Variants in ATP10B observed in about 807,000 individuals in gnomAD.
ATP10B encodes phospholipid-transporting ATPase VB.
A neutral mutation model predicts 141.2 loss-of-function variants in ATP10B; 122 were observed. The ratio of observed to expected loss-of-function variants is 0.86; its 90% CI spans 0.75 to 1.00. The LOEUF (loss-of-function observed/expected upper bound fraction) is 1.00, where lower values mean the gene tolerates loss of function less well. Ranked by LOEUF, ATP10B falls within the 50% of genes least tolerant of loss-of-function variation. The probability of loss-of-function intolerance (pLI) is 0.00; values close to 1 mark genes in which losing one functional copy is unlikely to be tolerated. For synonymous variants in ATP10B, 685 were observed against 692.0 expected, an observed-to-expected ratio of 0.99 and a Z score of 0.16; for missense variants, 1,876 against 1,825.3, an observed-to-expected ratio of 1.03 and a Z score of -0.51.
At chr5:160,874,759 C>A in the ATP10B span, among the ~76,000 whole-genome samples, 1,050 of 151,258 alleles carry the variant, frequency 6.9e-3, 11 homozygotes, top group African/African-American at 0.019. Context: ...GGAGCCGATG[C>A]GATCAACTGG....
chr5:160,747,526 G>A (rs1395235250), intron 2 of ATP10B, among the ~76,000 whole-genome samples: 1 of 152,198 alleles, frequency 6.6e-6, no homozygotes, highest in South Asian at 2.1e-4. Context: ...GTCCTTATTA[G>A]AAGACACAGA....
At chr5:160,652,644 A>C (rs1029066731) in intron 7 of ATP10B, among the ~76,000 whole-genome samples, 1 of 136,368 alleles carries the variant, frequency 7.3e-6, no homozygotes, top group African/African-American at 2.8e-5. Flanking sequence ...TTTATAAAAT[A>C]AAATTATATA....
At chr5:160,590,938 C>A (rs1342287907) in intron 23 of ATP10B, 121 bp downstream of exon 23, 4 of 755,656 alleles carry the variant, frequency 5.3e-6, no homozygotes, top group Non-Finnish European at 8.8e-6. Context: ...AACCTGCAGG[C>A]TACCTGTTTG....
rs761267388 is a variant in ATP10B at position 160,634,438 on chromosome 5, C to T, written c.1297G>A (p.Asp433Asn). 59 of 1,614,026 alleles carry T rather than the reference C, an allele frequency of 3.7e-5. No homozygotes were observed. Among genetic ancestry groups the T allele is most frequent in the Non-Finnish European group, 4.7e-5 (56 of 1,180,028 alleles). The stretch of plus-strand genomic sequence containing the variant: ...TTCTCTGTCAGGGTCCCCGTCTTAT[C>T]GGAGAAGATGTACTGGATCTGGCCC... ...DLGQIQYIFSDKTGTLTENKM... is the reference protein window; with the variant it reads ...DLGQIQYIFSNKTGTLTENKM... The change falls in exon 12 of 26, where the codon GAT (aspartate) becomes AAT (asparagine). Residue 433 changes from aspartate (D) to asparagine (N), a missense_variant. Coordinates refer to ENST00000327245, the MANE Select transcript of ATP10B (RefSeq NM_025153.3).
At chr5:160,825,772 G>A (rs1215995661) in intron 1 of ATP10B, among the ~76,000 whole-genome samples, 2 of 152,042 alleles carry the variant, frequency 1.3e-5, no homozygotes, top group African/African-American at 2.4e-5. Flanking sequence ...GTACCCAATA[G>A]GTTGTTTTTC....
chr5:160,869,561 A>G, the ATP10B span, among the ~76,000 whole-genome samples: 3 of 152,110 alleles, frequency 2.0e-5, no homozygotes, highest in South Asian at 6.2e-4. Context: ...GCATGTAAGG[A>G]TCTTAGAACT....
intron 2 of ATP10B, among the ~76,000 whole-genome samples, chr5:160,751,330 G>A (rs541568660): frequency 6.6e-6 from 1 of 152,222 alleles, no homozygotes; most frequent in South Asian, 2.1e-4. Context: ...TCCTAAAAAG[G>A]TGTTTCAGAC....
At chr5:160,649,083 A>T (rs1021778463) in intron 8 of ATP10B, 88 bp downstream of exon 8, 11 of 890,938 alleles carry the variant, frequency 1.2e-5, no homozygotes, top group Admixed American at 4.2e-5. Flanking sequence ...CAGGATGAAG[A>T]TGCTTATTTG....
At chr5:160,702,011 T>C (rs551891435) in intron 3 of ATP10B, among the ~76,000 whole-genome samples, 3 of 150,638 alleles carry the variant, frequency 2.0e-5, no homozygotes, top group Non-Finnish European at 4.4e-5. Flanking sequence ...ACCCCAGTAC[T>C]TTATGAGGTC....
At chr5:160,583,487 C>T (rs1030557686) in intron 24 of ATP10B, among the ~76,000 whole-genome samples, 1 of 152,194 alleles carries the variant, frequency 6.6e-6, no homozygotes, top group Non-Finnish European at 1.5e-5. Context: ...CCAGAACTTT[C>T]CTGTATGAGG....
the ATP10B span, among the ~76,000 whole-genome samples, chr5:160,903,694 C>T: frequency 6.6e-6 from 1 of 152,138 alleles, no homozygotes; most frequent in African/African-American, 2.4e-5. Flanking sequence ...CTGTCACATG[C>T]TTGACAAAAA....
intron 6 of ATP10B, among the ~76,000 whole-genome samples, chr5:160,683,695 T>C (rs888489201): frequency 6.6e-6 from 1 of 152,194 alleles, no homozygotes; most frequent in African/African-American, 2.4e-5. Context: ...GACATGGATG[T>C]TTTCCTTCTT....
chr5:160,850,054 A>G (rs1193333539), intron 1 of ATP10B, among the ~76,000 whole-genome samples: 1 of 152,150 alleles, frequency 6.6e-6, no homozygotes, highest in Admixed American at 6.6e-5. Context: ...TTTGAGTCAC[A>G]AAAGAAATTT....
At chr5:160,582,118 G>A (rs1014672573) in intron 24 of ATP10B, among the ~76,000 whole-genome samples, 3 of 152,168 alleles carry the variant, frequency 2.0e-5, no homozygotes, top group Non-Finnish European at 4.4e-5. Flanking sequence ...GCCAGTCTGT[G>A]TCTTTTAATT....
intron 24 of ATP10B, among the ~76,000 whole-genome samples, chr5:160,585,740 C>T (rs1169079558): frequency 6.6e-6 from 1 of 152,196 alleles, no homozygotes; most frequent in Non-Finnish European, 1.5e-5. Context: ...CCCGCAGGAG[C>T]CAGAGTCCCC....
chr5:160,682,995 C>T (rs1050799908), intron 6 of ATP10B, among the ~76,000 whole-genome samples: 36 of 133,408 alleles, frequency 2.7e-4, no homozygotes, highest in Non-Finnish European at 4.8e-4. Flanking sequence ...GCTGTGATGG[C>T]GCCACTGCAC....
At chr5:160,744,675 T>C (rs1423688113) in intron 2 of ATP10B, among the ~76,000 whole-genome samples, 1 of 152,226 alleles carries the variant, frequency 6.6e-6, no homozygotes, top group Non-Finnish European at 1.5e-5. Flanking sequence ...GAGGCAGACA[T>C]GAATTTCTAT....
intron 2 of ATP10B, among the ~76,000 whole-genome samples, chr5:160,770,578 T>C (rs981508103): frequency 1.2e-4 from 19 of 152,210 alleles, no homozygotes; most frequent in African/African-American, 4.3e-4. Context: ...AACACTCTTC[T>C]TCATTTAAAA....
chr5:160,581,354 G>A (rs904548311), intron 24 of ATP10B, among the ~76,000 whole-genome samples: 10 of 152,170 alleles, frequency 6.6e-5, no homozygotes, highest in African/African-American at 1.7e-4. Flanking sequence ...TTGTGTCTTC[G>A]TTCTCACTGG....
Sources: gnomAD v4.1 joint callset for allele counts (sites outside exome capture counted in the v4.1 genomes callset) on GRCh38, gnomAD v4.1.1 for gene constraint, MANE v1.5 for transcripts, NCBI Gene and HGNC (gene_info 2026-07-23, HGNC 2026-07-21) for gene names.